SOX5: variants seen among roughly 807,000 people sequenced by gnomAD.
SOX5 encodes the protein SRY-box transcription factor 5, also known as transcription factor SOX-5.
In SOX5, 9 loss-of-function variants were observed where a neutral mutation model predicts 92.0. That is an observed-to-expected ratio of 0.10 (90% CI 0.06 to 0.17). The LOEUF (loss-of-function observed/expected upper bound fraction) is 0.17, where lower values mean the gene tolerates loss of function less well. Ranked by LOEUF, SOX5 falls within the 10% of genes least tolerant of loss-of-function variation. SOX5 has a pLI of 1.00. For missense variants in SOX5, 642 were observed against 944.5 expected (o/e 0.68, Z 4.20); for synonymous variants, 344 against 336.3 (o/e 1.02, Z -0.25).
Position 23,994,204 on chromosome 12 carries a change from G to A in SOX5, c.-1-98180C>T, listed in dbSNP as rs140988048. Among the ~76,000 whole-genome samples the A allele has an allele frequency of 1.3e-3, 193 of 152,104 alleles. 1 individual carries two copies. Among genetic ancestry groups the A allele is most frequent in the Non-Finnish European group, 2.4e-3 (161 of 67,982 alleles). On this transcript the variant is annotated intron_variant, in intron 4 of 4. Transcript: ENST00000446891. ...GTATCATGAGAGGGAAATCTGATGT[G>A]AATGAGTGAAGACACATAGAAATAC...
intron 2 of SOX5, among the ~76,000 whole-genome samples, chr12:24,318,789 G>T (rs1016825244): frequency 3.9e-5 from 6 of 152,184 alleles, no homozygotes; most frequent in Admixed American, 6.5e-5. Context: ...ACCCAGTGAT[G>T]CTGGGGAAAA....
chr12:24,248,955 G>A (rs1269604484), intron 3 of SOX5, among the ~76,000 whole-genome samples: 2 of 152,152 alleles, frequency 1.3e-5, no homozygotes, highest in Non-Finnish European at 2.9e-5. Flanking sequence ...ATAATCATAC[G>A]ATGGTAACCA....
intron 4 of SOX5, among the ~76,000 whole-genome samples, chr12:24,098,450 C>T (rs377642138): frequency 1.3e-5 from 2 of 152,040 alleles, no homozygotes; most frequent in Admixed American, 1.3e-4. Flanking sequence ...TCAAGTTGAC[C>T]CTTTAACTGA....
chr12:24,246,690 A>C (rs1938817012), intron 3 of SOX5, among the ~76,000 whole-genome samples: 1 of 152,206 alleles, frequency 6.6e-6, no homozygotes, highest in Non-Finnish European at 1.5e-5. Context: ...GAGAAAAAAG[A>C]ATCATCACAT....
At chr12:23,838,897 T>C (rs1287648479) in intron 3 of SOX5, among the ~76,000 whole-genome samples, 1 of 145,910 alleles carries the variant, frequency 6.9e-6, no homozygotes, top group African/African-American at 2.5e-5. Context: ...TGGAGTGCAG[T>C]GGCACCATCT....
chr12:24,098,426 C>T (rs1185769040), intron 4 of SOX5, among the ~76,000 whole-genome samples: 1 of 152,028 alleles, frequency 6.6e-6, no homozygotes, highest in African/African-American at 2.4e-5. Context: ...TTTTCAATTG[C>T]TTGGAAATTA....
rs137977193 is a variant in SOX5 at position 24,139,243 on chromosome 12, C to T, written c.-2+74100G>A. Among the ~76,000 whole-genome samples the T allele has an allele frequency of 3.9e-5, 6 of 152,244 alleles. 1 individual carries two copies. The highest frequency in any genetic ancestry group is 3.4e-3 in the Middle Eastern group (1 of 294). On this transcript the variant is annotated intron_variant, in intron 4 of 4. Transcript: ENST00000446891. ...ATAAATAAGAGTTTAGGCATTCACT[C>T]GGAAGCATATGTTCATTGGGAGCGA...
At chr12:23,880,601 A>T (rs951749110) in intron 2 of SOX5, among the ~76,000 whole-genome samples, 10 of 152,170 alleles carry the variant, frequency 6.6e-5, no homozygotes, top group Non-Finnish European at 1.5e-4. Flanking sequence ...CCTTTTAATA[A>T]GTAAAAATAA....
chr12:24,087,600 G>C (rs1944161595), intron 4 of SOX5, among the ~76,000 whole-genome samples: 2 of 151,976 alleles, frequency 1.3e-5, no homozygotes, highest in Non-Finnish European at 2.9e-5. Flanking sequence ...ATTTTGCTGA[G>C]AGCAAATACT....
intron 1 of SOX5, 140 bp downstream of exon 1, chr12:23,949,424 A>G: frequency 1.0e-6 from 1 of 1,002,682 alleles, no homozygotes; most frequent in Non-Finnish European, 1.5e-6. Flanking sequence ...ACAAAAAATC[A>G]GCTAACAAGA....
chr12:24,163,849 A>G (rs1413540849), intron 4 of SOX5, among the ~76,000 whole-genome samples: 1 of 151,956 alleles, frequency 6.6e-6, no homozygotes, highest in Admixed American at 6.6e-5. Context: ...ATCTAGCTCC[A>G]TATTTCTCTC....
chr12:23,591,746 G>A (rs1427795898), intron 9 of SOX5, among the ~76,000 whole-genome samples: 2 of 152,134 alleles, frequency 1.3e-5, no homozygotes, highest in Admixed American at 6.5e-5. Context: ...CCTCAGAAGA[G>A]TTGCATAGAG....
At chr12:23,832,659 C>A (rs570091980) in intron 3 of SOX5, among the ~76,000 whole-genome samples, 1 of 151,944 alleles carries the variant, frequency 6.6e-6, no homozygotes, top group East Asian at 1.9e-4. Flanking sequence ...CAACAATCCC[C>A]TGATGAAAGT....
chr12:23,837,936 T>C (rs1220206773), intron 3 of SOX5, among the ~76,000 whole-genome samples: 2 of 120,070 alleles, frequency 1.7e-5, no homozygotes, highest in Non-Finnish European at 3.2e-5. Context: ...TTATATAATA[T>C]ATATTTATAT....
At chr12:24,350,862 G>C (rs1953988770) in intron 2 of SOX5, among the ~76,000 whole-genome samples, 2 of 152,082 alleles carry the variant, frequency 1.3e-5, no homozygotes, top group African/African-American at 2.4e-5. Context: ...AAACTAGCCT[G>C]GCCAACATGA....
intron 4 of SOX5, among the ~76,000 whole-genome samples, chr12:24,027,338 T>A (rs992220118): frequency 6.6e-5 from 10 of 152,118 alleles, no homozygotes; most frequent in Admixed American, 4.6e-4. Flanking sequence ...TTCTACTGCC[T>A]TTCACATCTT....
intron 11 of SOX5, among the ~76,000 whole-genome samples, chr12:23,555,064 T>G (rs1944910025): frequency 6.6e-6 from 1 of 152,162 alleles, no homozygotes; most frequent in Non-Finnish European, 1.5e-5. Context: ...TATTGAAAAT[T>G]AGAAAATTCA....
intron 1 of SOX5, among the ~76,000 whole-genome samples, chr12:24,545,606 T>A (rs1348394201): frequency 6.6e-6 from 1 of 152,168 alleles, no homozygotes; most frequent in African/African-American, 2.4e-5. Flanking sequence ...AATTGCTAGT[T>A]CTTTGGCATC....
At chr12:24,154,970 A>G (rs968915694) in intron 4 of SOX5, among the ~76,000 whole-genome samples, 4 of 152,130 alleles carry the variant, frequency 2.6e-5, no homozygotes, top group Admixed American at 1.3e-4. Context: ...ACAATATATT[A>G]TTGGATAACC....
Sources: allele counts gnomAD v4.1 joint callset (sites outside exome capture counted in the v4.1 genomes callset), GRCh38; gene constraint gnomAD v4.1.1; transcripts MANE v1.5; gene names NCBI Gene and HGNC (gene_info 2026-07-23, HGNC 2026-07-21).